The following KCNQ4 variants were observed in gnomAD, a reference collection of about 807,000 sequenced individuals.
The protein encoded by KCNQ4 is potassium voltage-gated channel subfamily KQT member 4.
KCNQ4 carries 31 observed loss-of-function variants against 72.6 expected under a neutral mutation model. The observed-to-expected ratio is 0.43, with a 90% CI of 0.32 to 0.58. The LOEUF (loss-of-function observed/expected upper bound fraction) is 0.58, where lower values mean the gene tolerates loss of function less well. KCNQ4 is among the 20% of genes least tolerant of loss of function. KCNQ4 has a pLI of 0.08. For missense variants in KCNQ4, 869 were observed against 962.6 expected (o/e 0.90, Z 1.29); for synonymous variants, 405 against 403.7 (o/e 1.00, Z -0.04).
intron 9 of KCNQ4, 39 bp downstream of exon 9, chr1:40,824,297 C>T (rs759618397): frequency 3.2e-6 from 5 of 1,585,904 alleles, no homozygotes; most frequent in Admixed American, 3.4e-5. Flanking sequence ...TCTTGCTTCT[C>T]CTCCTCTTCT....
At chr1:40,819,220 T>G (rs1648202479) in intron 4 of KCNQ4, 127 bp from the exon 5 acceptor site, 55 of 1,154,886 alleles carry the variant, frequency 4.8e-5, no homozygotes, top group Non-Finnish European at 5.9e-5. Flanking sequence ...TGGGAGGAGC[T>G]GAGAAAGAAA....
rs1009679188 is a variant in KCNQ4, at chr1:40,838,861, C to T, written c.*338C>T. On this transcript the variant is annotated 3_prime_UTR_variant, in exon 14 of 14. Transcript: ENST00000347132. Reference sequence around the variant, plus strand: ...CCGGGAGTGGGAGCGGGCGCTGGGGCCCTGGGCCCTGACCCAGCTTCCAGC... The same window carrying T: ...CCGGGAGTGGGAGCGGGCGCTGGGGTCCTGGGCCCTGACCCAGCTTCCAGC... 11 of 418,400 alleles carry T rather than the reference C, an allele frequency of 2.6e-5. No individual in the cohort carries two copies. Among genetic ancestry groups the T allele is most frequent in the African/African-American group, 1.4e-4 (7 of 49,628 alleles). 25.9% of individuals were successfully genotyped at this position (418,400 alleles called of 1,614,324 possible). A position where few individuals can be genotyped will look rare whatever the true frequency, so the allele number is the denominator to read the frequency against.
At chr1:40,818,742 C>A in intron 4 of KCNQ4, 62 bp downstream of exon 4, 1 of 1,525,162 alleles carries the variant, frequency 6.6e-7, no homozygotes. Flanking sequence ...CCAGAGCGGG[C>A]AGGGCGGAGA....
At chr1:40,832,877 C>CT in intron 10 of KCNQ4, 137 bp from the exon 11 acceptor site, 2 of 711,664 alleles carry the variant, frequency 2.8e-6, no homozygotes, top group Admixed American at 2.0e-5. Context: ...CACAGGAGCC[C>CT]CAAGAAGGTT....
intron 1 of KCNQ4, among the ~76,000 whole-genome samples, chr1:40,787,143 C>T (rs1017140720): frequency 3.9e-5 from 6 of 152,150 alleles, no homozygotes; most frequent in African/African-American, 1.4e-4. Context: ...AATCCCAGCA[C>T]TGTGAGAGGC....
chr1:40,811,602 T>A (rs79563747), intron 1 of KCNQ4, among the ~76,000 whole-genome samples: 1,616 of 152,340 alleles, frequency 0.011, 31 homozygotes, highest in African/African-American at 0.037. Flanking sequence ...TTTTCATCTC[T>A]AATCCTCTTG....
intron 1 of KCNQ4, among the ~76,000 whole-genome samples, chr1:40,790,624 G>A (rs1417696340): frequency 6.6e-6 from 1 of 152,228 alleles, no homozygotes; most frequent in East Asian, 1.9e-4. Flanking sequence ...GAGGCTGGGT[G>A]AGGGGATGTC....
At chr1:40,812,249 G>T (rs1647950768) in intron 1 of KCNQ4, among the ~76,000 whole-genome samples, 1 of 152,088 alleles carries the variant, frequency 6.6e-6, no homozygotes, top group Admixed American at 6.6e-5. Context: ...CAGGTGCCTG[G>T]AACACAGGAT....
At chr1:40,820,898 CT>C (rs1648269185) in intron 7 of KCNQ4, among the ~76,000 whole-genome samples, 1 of 152,174 alleles carries the variant, frequency 6.6e-6, no homozygotes, top group Non-Finnish European at 1.5e-5. Flanking sequence ...TAGGCCTTGG[CT>C]TTTTCTAGTC....
Position 40,831,167 on chromosome 1 carries a change from C to G in KCNQ4, c.1376C>G (p.Pro459Arg), listed in dbSNP as rs1435038472. 3 of 1,611,430 alleles carry G rather than the reference C, an allele frequency of 1.9e-6. No homozygotes were observed. Among genetic ancestry groups the G allele is most frequent in the Non-Finnish European group, 2.5e-6 (3 of 1,178,962 alleles). Residue 459 changes from proline to arginine, a missense_variant, in exon 10 of 14, where the codon CCA becomes CGA. Physicochemically the swap from Pro to Arg is moderately radical, Grantham distance 103. This residue lies in a region of KCNQ4 where 480 missense variants were observed against 501.9 expected (regional missense o/e 0.96). Coordinates refer to ENST00000347132, the MANE Select transcript of KCNQ4 (RefSeq NM_004700.4). The stretch of plus-strand genomic sequence containing the variant: ...CCTTCCAAGCAGCATCTGGCACCTC[C>G]AACAATGCCCACCTCCCCAAGCAGC... The part of the protein sequence containing the change: ...TGPSKQHLAP[P>R]TMPTSPSSEQ...
Position 40,838,479 on chromosome 1 carries a change from C to G in KCNQ4, c.2044C>G (p.Gln682Glu). ...CCACGAGGACATCTCCGTCTCCGCA[C>G]AGACGCTCAGCATCTCCCGCTCGGT... is the stretch of plus-strand genomic sequence containing the variant. Reference protein sequence around the residue: ...VDHEDISVSAQTLSISRSVST... With the variant: ...VDHEDISVSAETLSISRSVST... The change falls in exon 14 of 14, where the codon CAG becomes GAG. Residue 682 changes from glutamine (Q) to glutamate (E), a missense_variant. Around this residue, in one of 5 missense-constraint regions of KCNQ4, gnomAD observed 480 missense variants for 501.9 expected, o/e 0.96. Coordinates refer to ENST00000347132, the MANE Select transcript of KCNQ4 (RefSeq NM_004700.4). 6.2e-7 allele frequency: 1 copy of G among 1,614,160 alleles called. No individual in the cohort carries two copies. Among genetic ancestry groups the G allele is most frequent in the South Asian group, 1.1e-5 (1 of 91,090 alleles).
intron 9 of KCNQ4, among the ~76,000 whole-genome samples, chr1:40,826,238 A>G (rs899949982): frequency 3.3e-5 from 5 of 152,192 alleles, no homozygotes; most frequent in African/African-American, 1.2e-4. Flanking sequence ...GTGCTAAAGG[A>G]GCAGGATTTC....
intron 1 of KCNQ4, among the ~76,000 whole-genome samples, chr1:40,802,042 AT>A (rs1647589843): frequency 6.6e-6 from 1 of 151,928 alleles, no homozygotes; most frequent in Non-Finnish European, 1.5e-5. Context: ...GGGACTCAAT[AT>A]TATCATCATT....
intron 1 of KCNQ4, among the ~76,000 whole-genome samples, chr1:40,791,967 C>T (rs1266043706): frequency 6.6e-6 from 1 of 151,816 alleles, no homozygotes; most frequent in African/African-American, 2.4e-5. Flanking sequence ...AGGAATGGCT[C>T]CCTACTCCCA....
At chr1:40,797,079 C>T (rs1305773283) in intron 1 of KCNQ4, among the ~76,000 whole-genome samples, 1 of 152,268 alleles carries the variant, frequency 6.6e-6, no homozygotes, top group Non-Finnish European at 1.5e-5. Flanking sequence ...CTCCCCGGGC[C>T]AGGCCCTGTG....
rs1161064765 is a variant in KCNQ4, at chr1:40,818,570, A to G, written c.598A>G (p.Thr200Ala). ...AAGTQGNIFA[T>A]SALRSMRFLQ... Reference sequence around the variant, plus strand: ...GGGTACCCAGGGCAACATCTTCGCCACGTCCGCGCTGCGCAGCATGCGCTT... The same window carrying G: ...GGGTACCCAGGGCAACATCTTCGCCGCGTCCGCGCTGCGCAGCATGCGCTT... Residue 200 changes from threonine (T) to alanine (A), a missense_variant, in exon 4 of 14, where the codon ACG (threonine) becomes GCG (alanine). Physicochemically the swap from Thr to Ala is moderately conservative, Grantham distance 58. This residue lies in a region of KCNQ4 where 179 missense variants were observed against 243.0 expected (regional missense o/e 0.74). Coordinates refer to ENST00000347132, the MANE Select transcript of KCNQ4 (RefSeq NM_004700.4). 1.2e-6 allele frequency: 2 copies of G among 1,604,818 alleles called. No individual in the cohort carries two copies. Among genetic ancestry groups the G allele is most frequent in the South Asian group, 1.1e-5 (1 of 91,052 alleles).
At chr1:40,832,350 C>T (rs1648675444) in intron 10 of KCNQ4, among the ~76,000 whole-genome samples, 1 of 152,124 alleles carries the variant, frequency 6.6e-6, no homozygotes, top group South Asian at 2.1e-4. Context: ...TTACAGAACC[C>T]CATAGACCAG....
intron 1 of KCNQ4, among the ~76,000 whole-genome samples, chr1:40,802,019 G>T (rs1222480500): frequency 6.6e-6 from 1 of 152,126 alleles, no homozygotes; most frequent in Non-Finnish European, 1.5e-5. Context: ...TGATGGGAGG[G>T]GGAAGGGGGC....
Position 40,838,948 on chromosome 1 carries a change from C to T in KCNQ4, c.*425C>T, listed in dbSNP as rs545893334. 1 of 276,638 alleles carries T rather than the reference C, an allele frequency of 3.6e-6. No individual in the cohort carries two copies. Among genetic ancestry groups the T allele is most frequent in the East Asian group, 8.7e-5 (1 of 11,430 alleles). 17.1% of individuals were successfully genotyped at this position (276,638 alleles called of 1,614,324 possible). ...CAGCAGGGAAGCCCTCCCGCCAAGT[C>T]CCCGCCCCACTTGGGGGTGGGCCAA... On this transcript the variant is annotated 3_prime_UTR_variant, in exon 14 of 14. Coordinates refer to ENST00000347132, the MANE Select transcript of KCNQ4 (RefSeq NM_004700.4).
Sources: gnomAD v4.1 joint callset for allele counts (sites outside exome capture counted in the v4.1 genomes callset) on GRCh38, gnomAD v4.1.1 for gene constraint, gnomAD v4.1.1 regional missense constraint, MANE v1.5 for transcripts, NCBI Gene and HGNC (gene_info 2026-07-23, HGNC 2026-07-21) for gene names.